NSDHL: variants seen among roughly 807,000 people sequenced by gnomAD.
The protein encoded by NSDHL is sterol-4-alpha-carboxylate 3-dehydrogenase, decarboxylating.
NSDHL carries 1 observed loss-of-function variant against 23.0 expected under a neutral mutation model. The observed-to-expected ratio is 0.04, with a 90% CI of 0.02 to 0.21. The LOEUF (loss-of-function observed/expected upper bound fraction) is 0.21, where lower values mean the gene tolerates loss of function less well. NSDHL is among the 10% of genes least tolerant of loss of function. The pLI is 1.00. For synonymous variants in NSDHL, 128 were observed against 121.1 expected, an observed-to-expected ratio of 1.06 and a Z score of -0.37; for missense variants, 237 against 300.9, an observed-to-expected ratio of 0.79 and a Z score of 1.57.
chrX:152,835,546 G>GGT (rs1556843985), intron 1 of NSDHL, among the ~76,000 whole-genome samples: 1 of 105,815 alleles, frequency 9.5e-6, no homozygotes, highest in African/African-American at 3.5e-5. Context: ...GAGAACATGT[G>GGT]GTGTTTGGTT....
chrX:152,868,641 C>G (rs1933650143), intron 7 of NSDHL, 143 bp from the exon 8 acceptor site: 1 of 562,154 alleles, frequency 1.8e-6, no homozygotes. Context: ...TATGCCTTAG[C>G]AGTTGTGCAA....
chrX:152,856,108 C>CAATGG (rs1569474101), intron 3 of NSDHL, among the ~76,000 whole-genome samples: 4 of 111,503 alleles, frequency 3.6e-5, no homozygotes, highest in African/African-American at 1.3e-4. Context: ...TGGGTTTTGC[C>CAATGG]GATTACATCC....
At chrX:152,831,978 C>G (rs1428221909) in intron 1 of NSDHL, among the ~76,000 whole-genome samples, 1 of 111,635 alleles carries the variant, frequency 9.0e-6, no homozygotes, top group Non-Finnish European at 1.9e-5. Context: ...AGATTCCTGA[C>G]TTTTGGGTCA....
At chrX:152,853,767 C>T (rs1039138894) in intron 3 of NSDHL, among the ~76,000 whole-genome samples, 2 of 112,351 alleles carry the variant, frequency 1.8e-5, no homozygotes, top group Non-Finnish European at 3.8e-5. Flanking sequence ...CAGGAATGCT[C>T]TTCCTGAACC....
chrX:152,843,532 T>C (rs1490733000), intron 1 of NSDHL, among the ~76,000 whole-genome samples: 1 of 111,531 alleles, frequency 9.0e-6, no homozygotes, highest in Non-Finnish European at 1.9e-5. Flanking sequence ...GCCACATCAC[T>C]CTAACCTCTG....
At chrX:152,859,490 T>C (rs1556847318) in intron 4 of NSDHL, among the ~76,000 whole-genome samples, 1 of 112,299 alleles carries the variant, frequency 8.9e-6, no homozygotes, top group African/African-American at 3.2e-5. Context: ...TTTCTCCTTT[T>C]GTGTCTGGCT....
chrX:152,858,755 T>C lies in NSDHL; in HGVS notation c.268-15T>C. 1 of 1,208,442 alleles carries C rather than the reference T, an allele frequency of 8.3e-7. No homozygotes were observed. Among genetic ancestry groups the C allele is most frequent in the Non-Finnish European group, 1.1e-6 (1 of 892,440 alleles). ...AAAGCAGGAATGATTATTTTGTCTT[T>C]CTTTGCTTTTCCAGGATCTGTACCC... On this transcript the variant is annotated splice_polypyrimidine_tract_variant and intron_variant, in intron 3 of 7. Coordinates refer to ENST00000370274, the MANE Select transcript of NSDHL (RefSeq NM_015922.3).
At chrX:152,833,479 C>A (rs927988476) in intron 1 of NSDHL, among the ~76,000 whole-genome samples, 4 of 110,530 alleles carry the variant, frequency 3.6e-5, no homozygotes, top group Admixed American at 1.9e-4. Context: ...CATCTTTCCC[C>A]CCTTGTAACT....
intron 1 of NSDHL, among the ~76,000 whole-genome samples, chrX:152,835,351 A>G (rs1933077123): frequency 1.8e-5 from 2 of 108,111 alleles, no homozygotes; most frequent in African/African-American, 3.4e-5. Context: ...TGTGCACAAC[A>G]TGCAGGTTTG....
At chrX:152,863,395 C>G (rs192692898) in intron 5 of NSDHL, among the ~76,000 whole-genome samples, 1 of 111,364 alleles carries the variant, frequency 9.0e-6, no homozygotes, top group African/African-American at 3.3e-5. Flanking sequence ...TACAGCCCAC[C>G]CTCAATGCCA....
At chrX:152,865,510 G>C (rs1403552968) in intron 5 of NSDHL, among the ~76,000 whole-genome samples, 2 of 113,002 alleles carry the variant, frequency 1.8e-5, no homozygotes, top group Non-Finnish European at 3.7e-5. Flanking sequence ...TGGCAGTGTT[G>C]GTGGATTTTA....
At chrX:152,841,286 C>T (rs887743474) in intron 1 of NSDHL, among the ~76,000 whole-genome samples, 6 of 112,981 alleles carry the variant, frequency 5.3e-5, no homozygotes, top group African/African-American at 1.9e-4. Context: ...CCGTGCCCTG[C>T]TTTGGCTCAC....
At chrX:152,847,703 G>A (rs1556845775) in intron 2 of NSDHL, among the ~76,000 whole-genome samples, 1 of 111,593 alleles carries the variant, frequency 9.0e-6, no homozygotes, top group Non-Finnish European at 1.9e-5. Flanking sequence ...GAACACATTT[G>A]TCTTAACTTA....
intron 1 of NSDHL, among the ~76,000 whole-genome samples, chrX:152,834,210 G>T (rs1556843766): frequency 8.9e-6 from 1 of 112,349 alleles, no homozygotes; most frequent in Non-Finnish European, 1.9e-5. Flanking sequence ...TTTCACAGAG[G>T]GGGCAGTTCA....
chrX:152,860,254 C>A (rs1013366040), intron 4 of NSDHL, among the ~76,000 whole-genome samples: 1 of 111,995 alleles, frequency 8.9e-6, no homozygotes, highest in African/African-American at 3.2e-5. Context: ...ATTAGCTCCT[C>A]GTTGGGTGAC....
At chrX:152,831,150 C>T in intron 1 of NSDHL, 33 bp downstream of exon 1, 1 of 299,263 alleles carries the variant, frequency 3.3e-6, no homozygotes, top group Non-Finnish European at 5.8e-6. Context: ...TGGAGGTCAC[C>T]CTGTGTCAGC....
At chrX:152,842,535 G>T (rs1933209349) in intron 1 of NSDHL, among the ~76,000 whole-genome samples, 1 of 111,590 alleles carries the variant, frequency 9.0e-6, no homozygotes, top group South Asian at 3.8e-4. Flanking sequence ...GTCTTGTTCT[G>T]TCGCCCAGGC....
chrX:152,861,512 T>G (rs1476230820), intron 4 of NSDHL, among the ~76,000 whole-genome samples: 3 of 113,051 alleles, frequency 2.7e-5, no homozygotes, highest in Non-Finnish European at 3.7e-5. Flanking sequence ...TTTGTTCTTC[T>G]ACATATGTTT....
rs782188221 is a variant in NSDHL, at chrX:152,869,219, T to A, written c.*103T>A. 3.6e-5 allele frequency: 25 copies of A among 695,261 alleles called. No individual in the cohort carries two copies. The South Asian group carries it at 5.8e-4, about 16-fold the overall frequency. 57.3% of individuals were successfully genotyped at this position (695,261 alleles called of 1,213,427 possible). A position where few individuals can be genotyped will look rare whatever the true frequency, so the allele number is the denominator to read the frequency against. ...CCTTTGAATGAGTTTGCTCTGAGCC[T>A]GTGACTCCTTCTGCTAGGCAGAGAG... On this transcript the variant is annotated 3_prime_UTR_variant, in exon 8 of 8. Transcript: ENST00000370274.
Sources: gnomAD v4.1 joint callset for allele counts (sites outside exome capture counted in the v4.1 genomes callset) on GRCh38, gnomAD v4.1.1 for gene constraint, MANE v1.5 for transcripts, NCBI Gene and HGNC (gene_info 2026-07-23, HGNC 2026-07-21) for gene names.